Variants in FAT4 observed in about 807,000 individuals in gnomAD.
The protein encoded by FAT4 is FAT atypical cadherin 4, also known as protocadherin Fat 4.
Under a neutral mutation model 303.9 loss-of-function variants are expected in FAT4, and 84 were observed. That is an observed-to-expected ratio of 0.28 (90% CI 0.23 to 0.33). FAT4 has a LOEUF of 0.33. Among genes scored for constraint, FAT4 ranks in the 10% least tolerant of loss-of-function variants. FAT4 has a pLI of 1.00. For synonymous variants in FAT4, 2,307 were observed against 2,298.8 expected, an observed-to-expected ratio of 1.00 and a Z score of -0.10; for missense variants, 6,005 against 6,146.8, an observed-to-expected ratio of 0.98 and a Z score of 0.77.
intron 3 of FAT4, among the ~76,000 whole-genome samples, chr4:125,404,278 T>C (rs2126017205): frequency 6.6e-6 from 1 of 152,112 alleles, no homozygotes; most frequent in African/African-American, 2.4e-5. Context: ...ACAATCTGCC[T>C]TCTCTGGCCT....
chr4:125,337,762 C>G (rs1731630252), intron 2 of FAT4, among the ~76,000 whole-genome samples: 2 of 151,958 alleles, frequency 1.3e-5, no homozygotes. Flanking sequence ...CTATTGAATT[C>G]AAATCTAGGG....
intron 10 of FAT4, among the ~76,000 whole-genome samples, chr4:125,453,663 G>A (rs1488556488): frequency 2.6e-5 from 4 of 151,218 alleles, no homozygotes; most frequent in South Asian, 2.1e-4. Flanking sequence ...CCGAGATCGC[G>A]TCACTGCACT....
intron 12 of FAT4, among the ~76,000 whole-genome samples, chr4:125,472,707 T>C (rs983605993): frequency 2.4e-4 from 37 of 152,260 alleles, no homozygotes; most frequent in Non-Finnish European, 2.2e-4. Context: ...TTAAAGGAAA[T>C]TTAAGCAAGT....
Position 125,490,717 on chromosome 4 carries a change from A to G in FAT4, c.13901A>G (p.Asp4634Gly). 1 of 1,614,124 alleles carries G rather than the reference A, an allele frequency of 6.2e-7. No individual in the cohort carries two copies. The highest frequency in any genetic ancestry group is 1.6e-4 in the Middle Eastern group (1 of 6,062). Residue 4634 changes from aspartate (D) to glycine (G), a missense_variant, in exon 18 of 18, where the codon GAT (aspartate) becomes GGT (glycine). Transcript: ENST00000394329. Reference sequence around the variant, plus strand: ...AACGCCAGCAGCATCGCCCCTTCGGATGCAGACATCATTCAACACTACAAG... The same window carrying G: ...AACGCCAGCAGCATCGCCCCTTCGGGTGCAGACATCATTCAACACTACAAG... ...IDNASSIAPS[D>G]ADIIQHYKQF... is the part of the protein sequence containing the mutation.
chr4:125,416,816 C>T (rs1735094472), intron 7 of FAT4, among the ~76,000 whole-genome samples, 194 bp downstream of exon 7: 1 of 151,898 alleles, frequency 6.6e-6, no homozygotes, highest in Non-Finnish European at 1.5e-5. Flanking sequence ...CATGGTGGTG[C>T]GTGCCTGTAA....
intron 2 of FAT4, among the ~76,000 whole-genome samples, chr4:125,364,749 T>A (rs1282747786): frequency 6.6e-6 from 1 of 151,858 alleles, no homozygotes; most frequent in Non-Finnish European, 1.5e-5. Context: ...GAAAGGAAAC[T>A]GAGAAGAGAC....
chr4:125,468,949 A>G lies in FAT4; in HGVS notation c.12213+130A>G, dbSNP rs77364073. 8,889 of 937,300 alleles carry G rather than the reference A, an allele frequency of 9.5e-3. 368 individuals carry two copies. The highest frequency in any genetic ancestry group is 0.08 in the East Asian group (3,113 of 38,678). 58.1% of individuals were successfully genotyped at this position (937,300 alleles called of 1,614,324 possible). A position where few individuals can be genotyped will look rare whatever the true frequency, so the allele number is the denominator to read the frequency against. On this transcript the variant is annotated intron_variant, in intron 12 of 17. Coordinates refer to ENST00000394329, the MANE Select transcript of FAT4 (RefSeq NM_001291303.3). ...CACTTTAGTTATGAAAAACTTAGACATAATATTTTTCTTTTGCTCATGACA... is the reference window on the plus strand; with the variant it reads ...CACTTTAGTTATGAAAAACTTAGACGTAATATTTTTCTTTTGCTCATGACA...
At chr4:125,489,624 C>A (rs1727533959) in intron 17 of FAT4, among the ~76,000 whole-genome samples, 1 of 152,036 alleles carries the variant, frequency 6.6e-6, no homozygotes, top group African/African-American at 2.4e-5. Context: ...AAAATTCAGC[C>A]TGCCCAAGTC....
chr4:125,326,234 C>A (rs1731152318), intron 2 of FAT4, among the ~76,000 whole-genome samples: 1 of 151,798 alleles, frequency 6.6e-6, no homozygotes, highest in Admixed American at 6.6e-5. Context: ...ATGATGGAGA[C>A]ATTTGTGAGG....
chr4:125,389,622 A>G (rs1733902649), intron 2 of FAT4, among the ~76,000 whole-genome samples: 2 of 152,116 alleles, frequency 1.3e-5, no homozygotes, highest in Admixed American at 1.3e-4. Flanking sequence ...TAAGTCCCAT[A>G]TAGCTCTGGC....
At chr4:125,468,156 TA>T (rs1031119657) in intron 11 of FAT4, among the ~76,000 whole-genome samples, 1 of 150,196 alleles carries the variant, frequency 6.7e-6, no homozygotes, top group Admixed American at 6.6e-5. Flanking sequence ...TGTCCCAAAA[TA>T]AAAAAAATAA....
At chr4:125,355,938 T>C (rs536098112) in intron 2 of FAT4, among the ~76,000 whole-genome samples, 24 of 152,052 alleles carry the variant, frequency 1.6e-4, no homozygotes, top group Non-Finnish European at 3.4e-4. Context: ...CACCCCTTGA[T>C]TGACATAGCA....
chr4:125,475,163 T>A (rs929624311), intron 12 of FAT4, among the ~76,000 whole-genome samples: 7 of 152,168 alleles, frequency 4.6e-5, no homozygotes, highest in African/African-American at 1.7e-4. Flanking sequence ...CTACACTCCA[T>A]CCTTCTTACA....
intron 6 of FAT4, among the ~76,000 whole-genome samples, chr4:125,416,245 T>C (rs1324231951): frequency 2.6e-5 from 4 of 152,214 alleles, no homozygotes; most frequent in Non-Finnish European, 5.9e-5. Context: ...ATGCTGTGCA[T>C]TAGCTTTACA....
Position 125,318,104 on chromosome 4 carries a change from T to G in FAT4, c.1693T>G (p.Tyr565Asp). 1 of 1,614,162 alleles carries G rather than the reference T, an allele frequency of 6.2e-7. No individual in the cohort carries two copies. Among genetic ancestry groups the G allele is most frequent in the East Asian group, 2.2e-5 (1 of 44,872 alleles). ...RDQGVHPKVS[Y>D]AQLVVTLLDV... The stretch of plus-strand genomic sequence containing the variant: ...CCAGGGAGTTCACCCCAAGGTGTCC[T>G]ATGCCCAGCTTGTAGTAACTCTCCT... The change falls in exon 2 of 18, where the codon TAT (tyrosine) becomes GAT (aspartate). Residue 565 changes from tyrosine to aspartate, a missense_variant. Coordinates refer to ENST00000394329, the MANE Select transcript of FAT4 (RefSeq NM_001291303.3).
At position 125,319,758 on chromosome 4, in the gene FAT4, G is replaced by A. The variant is rs1231152376; in HGVS notation, c.3347G>A (p.Gly1116Glu). The change falls in exon 2 of 18, where the codon GGG becomes GAG. Residue 1116 changes from glycine (G) to glutamate (E), a missense_variant. Gly to Glu is a moderately conservative substitution (Grantham distance 98, BLOSUM62 -2). Transcript: ENST00000394329. ...TFYFEEEQRA[G>E]SFVGKVSAVD... The stretch of plus-strand genomic sequence containing the variant: ...TACTTCGAAGAAGAGCAGAGGGCTG[G>A]GTCGTTTGTGGGCAAAGTAAGTGCT... 3 of 1,614,182 alleles carry A rather than the reference G, an allele frequency of 1.9e-6. No homozygotes were observed. Among genetic ancestry groups the A allele is most frequent in the East Asian group, 2.2e-5 (1 of 44,874 alleles).
At chr4:125,355,204 A>C (rs1185947314) in intron 2 of FAT4, among the ~76,000 whole-genome samples, 1 of 151,992 alleles carries the variant, frequency 6.6e-6, no homozygotes, top group East Asian at 1.9e-4. Flanking sequence ...CTTTCCAAGA[A>C]AATGATTTAT....
intron 13 of FAT4, 143 bp from the exon 14 acceptor site, chr4:125,477,012 C>T: frequency 1.9e-6 from 1 of 514,220 alleles, no homozygotes; most frequent in Non-Finnish European, 3.0e-6. Flanking sequence ...GTATTGGACA[C>T]TCTTCTACAT....
In FAT4 at chr4:125,454,571, C is replaced by T. The variant is rs185599748; in HGVS notation, c.11800+1761C>T. Among the ~76,000 whole-genome samples, 36 of 152,232 alleles carry T rather than the reference C, an allele frequency of 2.4e-4. No individual in the cohort carries two copies. In the East Asian group the frequency reaches 5.0e-3, roughly 21 times the overall value. ...AGTACAGGCCAGGTGCAGTGGCTCACGCCTGTAATCCCAGGACTTTGGGAG... is the reference window on the plus strand; with the variant it reads ...AGTACAGGCCAGGTGCAGTGGCTCATGCCTGTAATCCCAGGACTTTGGGAG... On this transcript the variant is annotated intron_variant, in intron 10 of 17. Transcript: ENST00000394329.
Sources: gnomAD v4.1 joint callset for allele counts (sites outside exome capture counted in the v4.1 genomes callset) on GRCh38, gnomAD v4.1.1 for gene constraint, MANE v1.5 for transcripts, NCBI Gene and HGNC (gene_info 2026-07-23, HGNC 2026-07-21) for gene names.